The following ZMIZ1 variants were observed in gnomAD, a reference collection of about 807,000 sequenced individuals.
ZMIZ1 encodes zinc finger MIZ domain-containing protein 1.
ZMIZ1 carries 17 observed loss-of-function variants against 113.9 expected under a neutral mutation model. That is an observed-to-expected ratio of 0.15 (90% CI 0.10 to 0.22). The LOEUF is 0.22. ZMIZ1 is among the 10% of genes least tolerant of loss of function. The pLI, the probability that ZMIZ1 is intolerant of heterozygous loss-of-function variation, is 1.00. For missense variants in ZMIZ1, 1,059 were observed against 1,477.8 expected, an observed-to-expected ratio of 0.72 and a Z score of 4.65; for synonymous variants, 607 against 603.1, an observed-to-expected ratio of 1.01 and a Z score of -0.09.
chr10:79,192,310 A>G (rs999207411), intron 4 of ZMIZ1, among the ~76,000 whole-genome samples: 3 of 152,228 alleles, frequency 2.0e-5, no homozygotes, highest in African/African-American at 7.2e-5. Flanking sequence ...TCACTTCTGA[A>G]TTAACTTCTG....
chr10:79,301,289 T>C (rs1053571596), intron 17 of ZMIZ1, among the ~76,000 whole-genome samples: 3 of 152,164 alleles, frequency 2.0e-5, no homozygotes, highest in Admixed American at 6.5e-5. Context: ...CTCAAAGCCA[T>C]GTCCTGCTTG....
chr10:79,194,451 C>A (rs1479776866), intron 4 of ZMIZ1, among the ~76,000 whole-genome samples: 1 of 152,214 alleles, frequency 6.6e-6, no homozygotes, highest in African/African-American at 2.4e-5. Context: ...TTGGCTGCCA[C>A]CCTTGGGAGC....
In ZMIZ1 at chr10:79,070,150, G is replaced by T. The variant is rs540513246; in HGVS notation, c.-337+880G>T. Among the ~76,000 whole-genome samples the T allele has an allele frequency of 9.2e-5, 14 of 151,952 alleles. No homozygotes were observed. In the East Asian group the frequency reaches 1.2e-3, roughly 13 times the overall value. On this transcript the variant is annotated intron_variant, in intron 1 of 24. Transcript: ENST00000334512. Reference sequence around the variant, plus strand: ...GGCCGGGGCTGGAGCCGGGGTCGGGGGGGGGAGGCGGGTTCTGGAAGCTTG... The same window carrying T: ...GGCCGGGGCTGGAGCCGGGGTCGGGTGGGGGAGGCGGGTTCTGGAAGCTTG...
intron 2 of ZMIZ1, among the ~76,000 whole-genome samples, chr10:79,123,572 G>T (rs185893504): frequency 6.6e-6 from 1 of 152,130 alleles, no homozygotes; most frequent in South Asian, 2.1e-4. Context: ...ATGGTTGTGC[G>T]GTCTTTTAAG....
At chr10:79,152,054 G>A (rs922935753) in intron 3 of ZMIZ1, among the ~76,000 whole-genome samples, 6 of 152,198 alleles carry the variant, frequency 3.9e-5, no homozygotes, top group Non-Finnish European at 7.3e-5. Flanking sequence ...TCAGGGGACC[G>A]GGCTCTAGGG....
intron 7 of ZMIZ1, among the ~76,000 whole-genome samples, chr10:79,258,180 G>A (rs745776720): frequency 3.9e-5 from 6 of 152,260 alleles, no homozygotes; most frequent in South Asian, 2.1e-4. Context: ...CCAAGAGTTC[G>A]AGATCAGCTT....
intron 1 of ZMIZ1, among the ~76,000 whole-genome samples, chr10:79,074,026 C>G (rs989705747): frequency 1.3e-5 from 2 of 152,178 alleles, no homozygotes; most frequent in Admixed American, 6.5e-5. Context: ...GCCACGGGCG[C>G]GTGATGACAG....
chr10:79,303,142 G>C (rs1854443098), intron 18 of ZMIZ1, among the ~76,000 whole-genome samples: 1 of 150,850 alleles, frequency 6.6e-6, no homozygotes, highest in Non-Finnish European at 1.5e-5. Flanking sequence ...TTACAGGCGC[G>C]AGCCACCACA....
chr10:79,235,779 C>T (rs1366125861), intron 7 of ZMIZ1, among the ~76,000 whole-genome samples: 1 of 152,214 alleles, frequency 6.6e-6, no homozygotes, highest in East Asian at 1.9e-4. Flanking sequence ...AACTGATGGG[C>T]AAGAGTCCTT....
intron 8 of ZMIZ1, among the ~76,000 whole-genome samples, chr10:79,280,768 G>A (rs957265432): frequency 2.0e-5 from 3 of 150,296 alleles, no homozygotes; most frequent in Non-Finnish European, 3.0e-5. Flanking sequence ...CTCACCTTTG[G>A]TTAAGGACCG....
At chr10:79,119,751 C>T (rs1844204197) in intron 2 of ZMIZ1, among the ~76,000 whole-genome samples, 1 of 152,130 alleles carries the variant, frequency 6.6e-6, no homozygotes, top group African/African-American at 2.4e-5. Context: ...GGTCATGACC[C>T]ATTTGTGATG....
chr10:79,131,949 A>G (rs1005318145), intron 2 of ZMIZ1, among the ~76,000 whole-genome samples: 9 of 152,188 alleles, frequency 5.9e-5, no homozygotes, highest in Non-Finnish European at 4.4e-5. Flanking sequence ...CTCAGACACC[A>G]TTTCTAGACC....
chr10:79,130,015 A>G (rs1844687293), intron 2 of ZMIZ1, among the ~76,000 whole-genome samples: 2 of 152,336 alleles, frequency 1.3e-5, no homozygotes, highest in South Asian at 4.1e-4. Context: ...AAAGCTGGGC[A>G]TCCAAGCCCC....
chr10:79,201,522 A>C, intron 4 of ZMIZ1, 62 bp from the exon 5 acceptor site: 1 of 1,251,616 alleles, frequency 8.0e-7, no homozygotes, highest in Non-Finnish European at 1.1e-6. Context: ...GGCAGTTGGG[A>C]GGCTGCTCAA....
intron 7 of ZMIZ1, among the ~76,000 whole-genome samples, chr10:79,244,719 G>A (rs1850086705): frequency 6.6e-6 from 1 of 152,212 alleles, no homozygotes; most frequent in Admixed American, 6.5e-5. Context: ...GCCCATCTTT[G>A]AGAGTGGCCA....
chr10:79,307,487 G>T lies in ZMIZ1; in HGVS notation c.2751G>T (p.Gly917=). Residue 917 remains glycine, a synonymous_variant, in exon 23 of 25, where the codon GGG becomes GGT. Transcript: ENST00000334512. ...GGTSMNDFMH[G]PPQLSHPPDM... Reference sequence around the variant, plus strand: ...CATCCATGAATGACTTCATGCACGGGCCCCCCCAGCTCTCCCACCCCCCGG... The same window carrying T: ...CATCCATGAATGACTTCATGCACGGTCCCCCCCAGCTCTCCCACCCCCCGG... 1.2e-6 allele frequency: 2 copies of T among 1,605,102 alleles called. No homozygotes were observed. The highest frequency in any genetic ancestry group is 1.7e-6 in the Non-Finnish European group (2 of 1,173,496).
At chr10:79,201,115 C>T (rs1848061278) in intron 4 of ZMIZ1, among the ~76,000 whole-genome samples, 1 of 152,276 alleles carries the variant, frequency 6.6e-6, no homozygotes, top group South Asian at 2.1e-4. Context: ...CGAGACCAGC[C>T]TGGCCAACAT....
intron 4 of ZMIZ1, among the ~76,000 whole-genome samples, chr10:79,190,262 C>G (rs1360678343): frequency 1.3e-5 from 2 of 152,248 alleles, no homozygotes; most frequent in Admixed American, 6.5e-5. Flanking sequence ...GACCACAGGC[C>G]TGGCCTGGGC....
At chr10:79,195,031 C>G (rs1054223604) in intron 4 of ZMIZ1, among the ~76,000 whole-genome samples, 2 of 152,216 alleles carry the variant, frequency 1.3e-5, no homozygotes, top group African/African-American at 4.8e-5. Flanking sequence ...GGGGCAGCGT[C>G]TTGGCCTTGG....
Sources: gnomAD v4.1 joint callset for allele counts (sites outside exome capture counted in the v4.1 genomes callset) on GRCh38, gnomAD v4.1.1 for gene constraint, MANE v1.5 for transcripts, NCBI Gene and HGNC (gene_info 2026-07-23, HGNC 2026-07-21) for gene names.